The following TELO2 variants were observed in gnomAD, a reference collection of about 807,000 sequenced individuals.
TELO2 encodes the protein telomere maintenance 2, also known as telomere length regulation protein TEL2 homolog.
TELO2 carries 71 observed loss-of-function variants against 91.0 expected under a neutral mutation model. That is an observed-to-expected ratio of 0.78 (90% CI 0.64 to 0.95). The LOEUF is 0.95. Ranked by LOEUF, TELO2 falls within the 40% of genes least tolerant of loss-of-function variation. TELO2 has a pLI of 0.00. For missense variants in TELO2, 1,183 were observed against 1,141.3 expected (o/e 1.04, Z -0.53); for synonymous variants, 584 against 518.9 (o/e 1.13, Z -1.71).
In TELO2 at chr16:1,495,340, C is replaced by T. The variant is rs149959107; in HGVS notation, c.336-6C>T. Reference sequence around the variant, plus strand: ...GCGGCTCTGCCCAACACGCCCGTATCTTCAGCCCCAGCTTCCGGCTGATGA... The same window carrying T: ...GCGGCTCTGCCCAACACGCCCGTATTTTCAGCCCCAGCTTCCGGCTGATGA... On this transcript the variant is annotated splice_region_variant and splice_polypyrimidine_tract_variant and intron_variant, in intron 2 of 20. Transcript: ENST00000262319. 3.9e-6 allele frequency: 6 copies of T among 1,538,974 alleles called. No individual in the cohort carries two copies. The highest frequency in any genetic ancestry group is 2.0e-5 in the Admixed American group (1 of 51,032).
intron 20 of TELO2, 141 bp from the exon 21 acceptor site, chr16:1,509,689 T>C: frequency 1.4e-6 from 1 of 712,580 alleles, no homozygotes; most frequent in South Asian, 1.8e-5. Flanking sequence ...GTGGGGAGAG[T>C]CCGGGGTCAC....
intron 17 of TELO2, chr16:1,506,688 G>C: frequency 7.3e-7 from 1 of 1,378,812 alleles, no homozygotes; most frequent in Non-Finnish European, 9.4e-7. Context: ...AGATGGCAGA[G>C]AAGTGTGGGG....
At position 1,496,974 on chromosome 16, in the gene TELO2, A is replaced by C. The variant is rs1393982251; in HGVS notation, c.614-62A>C. 3 of 1,547,580 alleles carry C rather than the reference A, an allele frequency of 1.9e-6. No homozygotes were observed. The African/African-American group carries it at 4.1e-5, about 21-fold the overall frequency. On this transcript the variant is annotated intron_variant, in intron 3 of 20. Transcript: ENST00000262319. ...CCTGACCGAGAGCAGCTCTCCCCACACCTAGATGTTCTTTTGTGCCTTCCC... is the reference window on the plus strand; with the variant it reads ...CCTGACCGAGAGCAGCTCTCCCCACCCCTAGATGTTCTTTTGTGCCTTCCC...
chr16:1,507,732 C>T lies in TELO2; in HGVS notation c.2407+16C>T, dbSNP rs145822932. On this transcript the variant is annotated intron_variant, in intron 20 of 20. Coordinates refer to ENST00000262319, the MANE Select transcript of TELO2 (RefSeq NM_016111.4). ...TGGCTGGCGGGTGAGTGTCGGCCTG[C>T]GGTGTGTGTGTGAGATGTGTGTCGG... 8.2e-4 allele frequency: 1,304 copies of T among 1,591,594 alleles called. 5 individuals carry two copies. The African/African-American group carries it at 0.016, about 20-fold the overall frequency.
Position 1,499,249 on chromosome 16 carries a change from A to T in TELO2, c.849A>T (p.Arg283Ser). 1 of 1,613,866 alleles carries T rather than the reference A, an allele frequency of 6.2e-7. No homozygotes were observed. Among genetic ancestry groups the T allele is most frequent in the Non-Finnish European group, 8.5e-7 (1 of 1,179,984 alleles). The change falls in exon 6 of 21, where the codon AGA (arginine) becomes AGT (serine). Residue 283 changes from arginine (R) to serine (S), a missense_variant. By Grantham distance (110) the Arg-to-Ser change is moderately radical. Coordinates refer to ENST00000262319, the MANE Select transcript of TELO2 (RefSeq NM_016111.4). ...EAALGPEVLSRLLGNLVVKNK... is the reference protein window; with the variant it reads ...EAALGPEVLSSLLGNLVVKNK... ...CTTGCAGGCCTGAGGTCCTTTCGAG[A>T]CTGCTGGGGAACCTGGTGGTGAAGA...
chr16:1,494,556 T>C lies in TELO2; in HGVS notation c.275T>C (p.Leu92Pro), dbSNP rs1272996905. Reference sequence around the variant, plus strand: ...GAGGAGCTGTGGGCCAGCTTCTTCCTGGAGGGCCCGGCGGACCAAGCCTTC... The same window carrying C: ...GAGGAGCTGTGGGCCAGCTTCTTCCCGGAGGGCCCGGCGGACCAAGCCTTC... ...RLEELWASFF[L>P]EGPADQAFLV... The change falls in exon 2 of 21, where the codon CTG (leucine) becomes CCG (proline). Residue 92 changes from leucine to proline, a missense_variant. Leu to Pro is a moderately conservative substitution (Grantham distance 98, BLOSUM62 -3). Coordinates refer to ENST00000262319, the MANE Select transcript of TELO2 (RefSeq NM_016111.4). The surrounding 1 kb of genome is among the most constrained non-coding windows in gnomAD (Gnocchi z 5.6). 1 of 1,613,544 alleles carries C rather than the reference T, an allele frequency of 6.2e-7. No homozygotes were observed. The highest frequency in any genetic ancestry group is 1.1e-5 in the South Asian group (1 of 91,064).
In TELO2 at chr16:1,499,234, T is replaced by C; in HGVS notation, c.834T>C (p.Pro278=). The change falls in exon 6 of 21, where the codon CCT becomes CCC. Residue 278 remains proline (P), a synonymous_variant. Coordinates refer to ENST00000262319, the MANE Select transcript of TELO2 (RefSeq NM_016111.4). ...LTGLVEAALG[P]EVLSRLLGNL... ...GGCCCCTGACTCTGTCTTGCAGGCCTGAGGTCCTTTCGAGACTGCTGGGGA... is the reference window on the plus strand; with the variant it reads ...GGCCCCTGACTCTGTCTTGCAGGCCCGAGGTCCTTTCGAGACTGCTGGGGA... 1 of 1,613,956 alleles carries C rather than the reference T, an allele frequency of 6.2e-7. No individual in the cohort carries two copies.
In TELO2 at chr16:1,505,454, C is replaced by G. The variant is rs200400876; in HGVS notation, c.1887C>G (p.Leu629=). The change falls in exon 16 of 21, where the codon CTC becomes CTG. Residue 629 remains leucine (L), a synonymous_variant. Transcript: ENST00000262319. The surrounding 1 kb of genome is among the most constrained non-coding windows in gnomAD (Gnocchi z 4.3). ...AAQELSRPGC[L]GRTPQPGSPS... Reference sequence around the variant, plus strand: ...AGGAGCTGTCTAGGCCTGGGTGCCTCGGGAGGACTCCCCAACCTGGCTCCC... The same window carrying G: ...AGGAGCTGTCTAGGCCTGGGTGCCTGGGGAGGACTCCCCAACCTGGCTCCC... 6.2e-7 allele frequency: 1 copy of G among 1,612,974 alleles called. No homozygotes were observed. Among genetic ancestry groups the G allele is most frequent in the African/African-American group, 1.3e-5 (1 of 74,938 alleles).
intron 15 of TELO2, among the ~76,000 whole-genome samples, chr16:1,504,950 C>G (rs929679432): frequency 6.6e-6 from 1 of 152,152 alleles, no homozygotes; most frequent in East Asian, 1.9e-4. Flanking sequence ...CCCGACCCTC[C>G]CAGCCTGGGA....
chr16:1,498,676 C>T lies in TELO2; in HGVS notation c.831-555C>T, dbSNP rs1005234554. Among the ~76,000 whole-genome samples, 12 of 152,076 alleles carry T rather than the reference C, an allele frequency of 7.9e-5. 1 individual carries two copies. Among genetic ancestry groups the T allele is most frequent in the African/African-American group, 2.4e-4 (10 of 41,422 alleles). ...TCTCAAACTCCTGGCCTTAAGTGAT[C>T]CTCCTGCCTTGGCCTCCCAAATGTT... On this transcript the variant is annotated intron_variant, in intron 5 of 20. Coordinates refer to ENST00000262319, the MANE Select transcript of TELO2 (RefSeq NM_016111.4).
At position 1,505,275 on chromosome 16, in the gene TELO2, CCTT is replaced by C; in HGVS notation, c.1843-134_1843-132del. ...TGAGCTACGGGGAAGTGACTTTTCTCCTTGTTCCCAGAACACACCTTCTCCCAG... is the reference window on the plus strand; with the variant it reads ...TGAGCTACGGGGAAGTGACTTTTCTCGTTCCCAGAACACACCTTCTCCCAG... On this transcript the variant is annotated intron_variant, in intron 15 of 20. Transcript: ENST00000262319. This position sits in a 1 kb window ranked among gnomAD's most constrained non-coding sequence, Gnocchi z 4.3. 1.8e-6 allele frequency: 2 copies of C among 1,086,156 alleles called. No homozygotes were observed. Among genetic ancestry groups the C allele is most frequent in the Non-Finnish European group, 2.6e-6 (2 of 775,700 alleles). The allele number at this position is 1,086,156 out of a possible 1,614,324, so 67.3% of individuals were successfully genotyped here. A position where few individuals can be genotyped will look rare whatever the true frequency, so the allele number is the denominator to read the frequency against.
intron 2 of TELO2, among the ~76,000 whole-genome samples, 183 bp from the exon 3 acceptor site, chr16:1,495,163 A>C (rs974177641): frequency 6.6e-6 from 1 of 152,204 alleles, no homozygotes; most frequent in African/African-American, 2.4e-5. Context: ...GAGCTCTCAC[A>C]CAGTAATCGC....
chr16:1,507,155 G>A, intron 18 of TELO2, 104 bp downstream of exon 18: 2 of 1,483,012 alleles, frequency 1.3e-6, no homozygotes, highest in Admixed American at 2.0e-5. Flanking sequence ...GGGAGGGGCT[G>A]CCTGTGTGGG....
In TELO2 at chr16:1,501,652, T is replaced by G; in HGVS notation, c.1362-11T>G. 6.2e-7 allele frequency: 1 copy of G among 1,601,216 alleles called. No individual in the cohort carries two copies. Among genetic ancestry groups the G allele is most frequent in the South Asian group, 1.1e-5 (1 of 90,058 alleles). On this transcript the variant is annotated splice_polypyrimidine_tract_variant and intron_variant, in intron 10 of 20. Transcript: ENST00000262319. ...GCCCCTAAAGGATTTTTGTTCCTTG[T>G]TTCCTTAAAGCACGTCCCTCGTTCC...
chr16:1,498,176 G>A (rs896777188), intron 5 of TELO2, among the ~76,000 whole-genome samples: 7 of 151,982 alleles, frequency 4.6e-5, no homozygotes, highest in Non-Finnish European at 8.8e-5. Flanking sequence ...CACCACACCC[G>A]GCTAATTTTT....
chr16:1,509,508 A>G (rs1340355191), intron 20 of TELO2, among the ~76,000 whole-genome samples: 1 of 152,232 alleles, frequency 6.6e-6, no homozygotes, highest in African/African-American at 2.4e-5. Flanking sequence ...CTCCGACCAC[A>G]GCCCTTGTCT....
chr16:1,508,141 G>A (rs1038769648), intron 20 of TELO2, among the ~76,000 whole-genome samples: 2 of 151,456 alleles, frequency 1.3e-5, no homozygotes, highest in Non-Finnish European at 2.9e-5. Flanking sequence ...CTTTTTGTTT[G>A]TTTGTTTTTT....
chr16:1,506,307 C>T lies in TELO2; in HGVS notation c.2104C>T (p.Pro702Ser). ...CTCCGTGGCCGGCCACTTCTTCTTC[C>T]CCCTCCTTCAGCGCTTTGACAGGTG... ...FNSVAGHFFF[P>S]LLQRFDRPLV... Residue 702 changes from proline (P) to serine (S), a missense_variant, in exon 17 of 21, where the codon CCC becomes TCC. Pro to Ser is a moderately conservative substitution (Grantham distance 74). Coordinates refer to ENST00000262319, the MANE Select transcript of TELO2 (RefSeq NM_016111.4). 1.9e-6 allele frequency: 3 copies of T among 1,614,088 alleles called. No individual in the cohort carries two copies. Among genetic ancestry groups the T allele is most frequent in the Non-Finnish European group, 2.5e-6 (3 of 1,179,998 alleles).
chr16:1,502,584 G>C, intron 13 of TELO2, 61 bp from the exon 14 acceptor site: 8 of 1,575,776 alleles, frequency 5.1e-6, no homozygotes, highest in South Asian at 1.1e-5. Context: ...TGTGAGCCTC[G>C]GTGAGGCCTC....
Sources: gnomAD v4.1 joint callset for allele counts (sites outside exome capture counted in the v4.1 genomes callset) on GRCh38, gnomAD v4.1.1 for gene constraint, Gnocchi (gnomAD v3.1) non-coding constraint, MANE v1.5 for transcripts, NCBI Gene and HGNC (gene_info 2026-07-23, HGNC 2026-07-21) for gene names.